The following ZNF804B variants were observed in gnomAD, a reference collection of about 807,000 sequenced individuals.
ZNF804B encodes the protein zinc finger 804B.
A neutral mutation model predicts 101.4 loss-of-function variants in ZNF804B; 80 were observed. That is an observed-to-expected ratio of 0.79 (90% CI 0.66 to 0.95). ZNF804B has a LOEUF of 0.95. Ranked by LOEUF, ZNF804B falls within the 40% of genes least tolerant of loss-of-function variation. ZNF804B has a pLI of 0.00. For missense variants in ZNF804B, 1,673 were observed against 1,561.9 expected (o/e 1.07, Z -1.20); for synonymous variants, 622 against 558.8 (o/e 1.11, Z -1.59).
intron 1 of ZNF804B, among the ~76,000 whole-genome samples, chr7:89,163,446 T>C (rs1187552669): frequency 6.6e-6 from 1 of 152,148 alleles, no homozygotes; most frequent in African/African-American, 2.4e-5. Flanking sequence ...ATTTATCAAT[T>C]TTTTGCCTTC....
At chr7:89,285,258 C>T (rs1259909662) in intron 2 of ZNF804B, among the ~76,000 whole-genome samples, 1 of 151,692 alleles carries the variant, frequency 6.6e-6, no homozygotes, top group Non-Finnish European at 1.5e-5. Context: ...CACGGTGGCT[C>T]ACGCCTGTAA....
At chr7:89,158,047 A>G (rs1265308233) in intron 1 of ZNF804B, among the ~76,000 whole-genome samples, 2 of 152,060 alleles carry the variant, frequency 1.3e-5, no homozygotes, top group Non-Finnish European at 2.9e-5. Flanking sequence ...GAAGCCTCAT[A>G]AGCGCTGTTT....
chr7:88,935,778 C>T (rs904254506), intron 1 of ZNF804B, among the ~76,000 whole-genome samples: 9 of 151,972 alleles, frequency 5.9e-5, no homozygotes, highest in African/African-American at 1.9e-4. Flanking sequence ...AGGAAAATTA[C>T]TAAAAAAATT....
At chr7:88,877,023 TATAATATATATATATATATATATA>T (rs1791955313) in intron 1 of ZNF804B, among the ~76,000 whole-genome samples, 4 of 72,864 alleles carry the variant, frequency 5.5e-5, no homozygotes, top group Non-Finnish European at 9.2e-5. Flanking sequence ...TATATATATA[TATAATATATATATATATATATATA>T]TATTTTTTTT....
At chr7:89,224,578 G>A (rs1789052603) in intron 2 of ZNF804B, among the ~76,000 whole-genome samples, 1 of 151,990 alleles carries the variant, frequency 6.6e-6, no homozygotes, top group South Asian at 2.1e-4. Context: ...ATGTCAAAGT[G>A]TAGATGAGTG....
Position 89,335,164 on chromosome 7 carries a change from A to G in ZNF804B, c.2182A>G (p.Ser728Gly). ...GTCTAGCTTGAGAAGTACTTGTTCA[A>G]GTCATAGATTCAATGGTAATAGCAG... Reference protein sequence around the residue: ...SMSSLRSTCSSHRFNGNSRGN... With the variant: ...SMSSLRSTCSGHRFNGNSRGN... Residue 728 changes from serine (S) to glycine (G), a missense_variant, in exon 4 of 4, where the codon AGT becomes GGT. Physicochemically the swap from Ser to Gly is moderately conservative, Grantham distance 56 (BLOSUM62 0). Coordinates refer to ENST00000333190, the MANE Select transcript of ZNF804B (RefSeq NM_181646.5). The G allele has an allele frequency of 6.2e-7, 1 of 1,613,918 alleles. No individual in the cohort carries two copies. The highest frequency in any genetic ancestry group is 8.5e-7 in the Non-Finnish European group (1 of 1,179,920).
chr7:89,334,820 G>A lies in ZNF804B; in HGVS notation c.1838G>A (p.Cys613Tyr). ...GCTTCAAGGGCCCATTGGCAAGGCT[G>A]CAGAAAGGCAGTTCTAAATGATATA... is the stretch of plus-strand genomic sequence containing the variant. ...KEASRAHWQG[C>Y]RKAVLNDIDE... The change falls in exon 4 of 4, where the codon TGC (cysteine) becomes TAC (tyrosine). Residue 613 changes from cysteine to tyrosine, a missense_variant. By Grantham distance (194) the Cys-to-Tyr change is radical. Transcript: ENST00000333190. The A allele has an allele frequency of 1.2e-6, 2 of 1,613,852 alleles. No homozygotes were observed. Among genetic ancestry groups the A allele is most frequent in the South Asian group, 1.1e-5 (1 of 91,078 alleles).
rs574957515 is a variant in ZNF804B, at chr7:89,036,935, A to G, written c.109-181220A>G. ...TTCTGTTGTGAAGATGTGGAAATCAAAATTGGTTCTTGCTATGATGTTTAA... is the reference window on the plus strand; with the variant it reads ...TTCTGTTGTGAAGATGTGGAAATCAGAATTGGTTCTTGCTATGATGTTTAA... On this transcript the variant is annotated intron_variant, in intron 1 of 3. Coordinates refer to ENST00000333190, the MANE Select transcript of ZNF804B (RefSeq NM_181646.5). 2.2e-4 allele frequency among the ~76,000 whole-genome samples: 34 copies of G among 152,286 alleles called. No homozygotes were observed. In the South Asian group the frequency reaches 6.2e-3, roughly 28 times the overall value.
At chr7:88,867,313 C>T (rs1180318909) in intron 1 of ZNF804B, among the ~76,000 whole-genome samples, 3 of 152,158 alleles carry the variant, frequency 2.0e-5, no homozygotes, top group Non-Finnish European at 2.9e-5. Flanking sequence ...GCCTTACTGT[C>T]CAAGGCTGAA....
intron 1 of ZNF804B, among the ~76,000 whole-genome samples, chr7:89,079,573 C>T (rs1240585534): frequency 6.6e-6 from 1 of 151,920 alleles, no homozygotes; most frequent in Non-Finnish European, 1.5e-5. Context: ...AGTGAATCTG[C>T]CTTTATGAAG....
intron 1 of ZNF804B, among the ~76,000 whole-genome samples, chr7:89,176,458 T>A (rs1159793611): frequency 6.6e-6 from 1 of 151,988 alleles, no homozygotes; most frequent in Admixed American, 6.6e-5. Context: ...TTGGTCATGA[T>A]GAATGATCTT....
intron 1 of ZNF804B, among the ~76,000 whole-genome samples, chr7:88,812,368 T>G (rs1364097167): frequency 6.6e-6 from 1 of 152,214 alleles, no homozygotes; most frequent in Non-Finnish European, 1.5e-5. Context: ...AAATAACAAC[T>G]GTTGACAAGA....
chr7:89,116,680 C>T (rs189100988), intron 1 of ZNF804B, among the ~76,000 whole-genome samples: 9 of 152,126 alleles, frequency 5.9e-5, no homozygotes, highest in Admixed American at 4.6e-4. Flanking sequence ...GATATATACC[C>T]ATAGTCTTTA....
chr7:88,770,037 A>T (rs866565426), intron 1 of ZNF804B, among the ~76,000 whole-genome samples: 1 of 152,184 alleles, frequency 6.6e-6, no homozygotes, highest in Non-Finnish European at 1.5e-5. Context: ...ACTTTTTATC[A>T]GTTGTTAATA....
rs1586890970 is a variant in ZNF804B at position 88,759,809 on chromosome 7, C to T, written c.-168C>T. The T allele has an allele frequency of 1.6e-6, 1 of 613,322 alleles. No homozygotes were observed. The allele number at this position is 613,322 out of a possible 1,614,324, so 38.0% of individuals were successfully genotyped here. A position where few individuals can be genotyped will look rare whatever the true frequency, so the allele number is the denominator to read the frequency against. ...GCAGCAGCTGTCGGCAGCAGGAGCC[C>T]CGCACGGGGCGCGGAGCAGGGACGC... is the stretch of plus-strand genomic sequence containing the variant. On this transcript the variant is annotated 5_prime_UTR_variant, in exon 1 of 4. Transcript: ENST00000333190.
At chr7:89,285,800 C>A (rs1790187888) in intron 2 of ZNF804B, among the ~76,000 whole-genome samples, 1 of 152,098 alleles carries the variant, frequency 6.6e-6, no homozygotes, top group Non-Finnish European at 1.5e-5. Flanking sequence ...TTTTAAACCT[C>A]AAGTCTTGAA....
chr7:88,863,373 A>G (rs1055059676), intron 1 of ZNF804B, among the ~76,000 whole-genome samples: 21 of 152,150 alleles, frequency 1.4e-4, no homozygotes, highest in African/African-American at 4.8e-4. Context: ...TTGAATATCA[A>G]TCTGTTTTTG....
intron 1 of ZNF804B, among the ~76,000 whole-genome samples, chr7:88,955,646 T>G (rs1006336252): frequency 1.3e-5 from 2 of 151,642 alleles, no homozygotes; most frequent in African/African-American, 4.8e-5. Context: ...TTCAGACTCA[T>G]CTAGTTAAAA....
chr7:88,782,094 TGTGAGTGC>T (rs1790236350), intron 1 of ZNF804B, among the ~76,000 whole-genome samples: 1 of 133,826 alleles, frequency 7.5e-6, no homozygotes, highest in South Asian at 2.3e-4. Context: ...CCAGCTTTTG[TGTGAGTGC>T]GTGTGTGTGT....
Sources: gnomAD v4.1 joint callset for allele counts (sites outside exome capture counted in the v4.1 genomes callset) on GRCh38, gnomAD v4.1.1 for gene constraint, MANE v1.5 for transcripts, NCBI Gene and HGNC (gene_info 2026-07-23, HGNC 2026-07-21) for gene names.